ADGRV1: variants seen among roughly 807,000 people sequenced by gnomAD.
ADGRV1 encodes the protein G-protein coupled receptor 98.
In ADGRV1, 359 loss-of-function variants were observed where a neutral mutation model predicts 596.2. The ratio of observed to expected loss-of-function variants is 0.60; its 90% confidence interval spans 0.55 to 0.66. The LOEUF (loss-of-function observed/expected upper bound fraction) is 0.66. ADGRV1 is among the 30% of genes least tolerant of loss of function. The probability of loss-of-function intolerance (pLI) is 0.00; values close to 1 mark genes in which losing one functional copy is unlikely to be tolerated. For missense variants in ADGRV1, 7,274 were observed against 7,575.6 expected, an observed-to-expected ratio of 0.96 and a Z score of 1.48; for synonymous variants, 2,681 against 2,679.2, an observed-to-expected ratio of 1.00 and a Z score of -0.02.
At chr5:90,872,995 G>A (rs957957430) in intron 83 of ADGRV1, among the ~76,000 whole-genome samples, 3 of 152,190 alleles carry the variant, frequency 2.0e-5, no homozygotes, top group African/African-American at 4.8e-5. Flanking sequence ...TTGGTTTTTA[G>A]ATTTACATTG....
chr5:90,921,063 T>C (rs546369611), intron 83 of ADGRV1, among the ~76,000 whole-genome samples: 1 of 152,236 alleles, frequency 6.6e-6, no homozygotes, highest in East Asian at 1.9e-4. Context: ...AAGTTCCCTA[T>C]GTGTTCCTCC....
Position 91,041,341 on chromosome 5 carries a change from A to G in ADGRV1, c.18153-31106A>G, listed in dbSNP as rs913809961. Among the ~76,000 whole-genome samples the G allele has an allele frequency of 3.3e-5, 5 of 152,186 alleles. No individual in the cohort carries two copies. In the South Asian group the frequency reaches 6.2e-4, roughly 19 times the overall value. ...ATGAGTTCATGTCCTTTGCAGGGACATGGATGAAGCTGGAAACTATCATTC... is the reference window on the plus strand; with the variant it reads ...ATGAGTTCATGTCCTTTGCAGGGACGTGGATGAAGCTGGAAACTATCATTC... On this transcript the variant is annotated intron_variant, in intron 85 of 89. Transcript: ENST00000405460.
At chr5:90,986,128 G>T (rs995434933) in intron 85 of ADGRV1, among the ~76,000 whole-genome samples, 1 of 145,220 alleles carries the variant, frequency 6.9e-6, no homozygotes, top group African/African-American at 2.6e-5. Context: ...ATATATATAT[G>T]TGACTTAATC....
intron 87 of ADGRV1, among the ~76,000 whole-genome samples, chr5:91,137,604 G>A (rs1284813673): frequency 6.6e-6 from 1 of 152,202 alleles, no homozygotes; most frequent in African/African-American, 2.4e-5. Context: ...TTTTGTTGAG[G>A]AAAGATTAAA....
chr5:91,070,591 A>T lies in ADGRV1; in HGVS notation c.18153-1856A>T, dbSNP rs182682799. On this transcript the variant is annotated intron_variant, in intron 85 of 89. Transcript: ENST00000405460. ...GTTTTAGATATTGAGAACCTGTTTA[A>T]CGTTCCTCCATTTGAGATTTTCATG... is the stretch of plus-strand genomic sequence containing the variant. Among the ~76,000 whole-genome samples, 6 of 152,360 alleles carry T rather than the reference A, an allele frequency of 3.9e-5. No individual in the cohort carries two copies. In the East Asian group the frequency reaches 1.2e-3, roughly 29 times the overall value.
chr5:91,136,504 G>A lies in ADGRV1; in HGVS notation c.18433-13526G>A, dbSNP rs538745535. Among the ~76,000 whole-genome samples, 165 of 152,272 alleles carry A rather than the reference G, an allele frequency of 1.1e-3. 1 individual carries two copies. The highest frequency in any genetic ancestry group is 3.8e-3 in the African/African-American group (157 of 41,566). Reference sequence around the variant, plus strand: ...TTGTGGCAGGCCACCTCAACTGGTAGGAATGTGCTGTACAAAGAAATCAAT... The same window carrying A: ...TTGTGGCAGGCCACCTCAACTGGTAAGAATGTGCTGTACAAAGAAATCAAT... On this transcript the variant is annotated intron_variant, in intron 87 of 89. Coordinates refer to ENST00000405460, the MANE Select transcript of ADGRV1 (RefSeq NM_032119.4).
Position 90,788,088 on chromosome 5 carries a change from A to G in ADGRV1, c.13671A>G (p.Val4557=). The G allele has an allele frequency of 6.2e-7, 1 of 1,611,198 alleles. No individual in the cohort carries two copies. The highest frequency in any genetic ancestry group is 8.5e-7 in the Non-Finnish European group (1 of 1,178,336). The change falls in exon 68 of 90, where the codon GTA becomes GTG. Residue 4557 remains valine, a synonymous_variant. Transcript: ENST00000405460. ...TCCCGCAGGTGAACTGGGAGACAGT[A>G]GGACCCAACTCTCAAGAAGCCTTAC... is the stretch of plus-strand genomic sequence containing the variant. ...LGEIQVNWET[V]GPNSQEALLP...
At chr5:90,974,491 C>A (rs930537879) in intron 84 of ADGRV1, among the ~76,000 whole-genome samples, 5 of 152,074 alleles carry the variant, frequency 3.3e-5, no homozygotes, top group Admixed American at 3.3e-4. Context: ...GGTACTGGTA[C>A]CAAAACAGAG....
In ADGRV1 at chr5:90,810,623, G is replaced by T; in HGVS notation, c.15363G>T (p.Val5121=). The change falls in exon 74 of 90, where the codon GTG becomes GTT. Residue 5121 remains valine, a synonymous_variant. Transcript: ENST00000405460. ...PRLNLDFSVA[V]ITILDNDDLA... ...TGAATCTAGATTTCAGTGTTGCAGT[G>T]ATTACAATATTGGATAATGATGACC... 6.2e-7 allele frequency: 1 copy of T among 1,613,922 alleles called. No individual in the cohort carries two copies. The highest frequency in any genetic ancestry group is 1.6e-4 in the Middle Eastern group (1 of 6,062).
chr5:91,098,624 G>A (rs1791088646), intron 86 of ADGRV1, among the ~76,000 whole-genome samples: 1 of 152,152 alleles, frequency 6.6e-6, no homozygotes, highest in Admixed American at 6.5e-5. Flanking sequence ...TTTATGACTA[G>A]CTTTTTCCTT....
intron 84 of ADGRV1, among the ~76,000 whole-genome samples, chr5:90,970,131 C>A (rs1167055898): frequency 6.6e-6 from 1 of 152,224 alleles, no homozygotes; most frequent in Non-Finnish European, 1.5e-5. Flanking sequence ...TCATTGCTAG[C>A]ACAGCAGTCT....
intron 83 of ADGRV1, among the ~76,000 whole-genome samples, chr5:90,895,996 G>C (rs1025803837): frequency 6.6e-6 from 1 of 151,568 alleles, no homozygotes; most frequent in South Asian, 2.1e-4. Flanking sequence ...GCCAATGGGG[G>C]TGCAGATAAG....
intron 52 of ADGRV1, 143 bp downstream of exon 52, chr5:90,745,938 T>C (rs550639507): frequency 1.7e-6 from 1 of 594,280 alleles, no homozygotes; most frequent in East Asian, 2.8e-5. Flanking sequence ...CTCCCTTTTA[T>C]GTGCATTCTA....
intron 1 of ADGRV1, among the ~76,000 whole-genome samples, chr5:90,592,895 G>T (rs1041960320): frequency 1.3e-5 from 2 of 152,150 alleles, no homozygotes; most frequent in African/African-American, 4.8e-5. Context: ...AAACCAGAAT[G>T]AGATACCATC....
At chr5:91,118,222 G>T (rs1793017833) in intron 87 of ADGRV1, among the ~76,000 whole-genome samples, 1 of 152,054 alleles carries the variant, frequency 6.6e-6, no homozygotes, top group Non-Finnish European at 1.5e-5. Flanking sequence ...GGAGAGCATA[G>T]TTATCCTTGT....
chr5:90,575,549 G>A (rs1379018364), intron 1 of ADGRV1, among the ~76,000 whole-genome samples: 1 of 152,160 alleles, frequency 6.6e-6, no homozygotes, highest in African/African-American at 2.4e-5. Flanking sequence ...TCAAACAGAG[G>A]CAGCTGGCCG....
chr5:90,742,592 A>G lies in ADGRV1; in HGVS notation c.10550-2454A>G, dbSNP rs147694122. On this transcript the variant is annotated intron_variant, in intron 50 of 89. Coordinates refer to ENST00000405460, the MANE Select transcript of ADGRV1 (RefSeq NM_032119.4). ...GTGATGGGGAGGTGGAGATAGAGAG[A>G]TGGGCAGAGAGAAAGAGAGAGCATG... is the stretch of plus-strand genomic sequence containing the variant. Among the ~76,000 whole-genome samples the G allele has an allele frequency of 1.4e-3, 216 of 152,188 alleles. 2 individuals carry two copies. The highest frequency in any genetic ancestry group is 4.6e-3 in the African/African-American group (192 of 41,546).
At chr5:90,711,405 C>A in intron 41 of ADGRV1, 83 bp downstream of exon 41, 3 of 988,808 alleles carry the variant, frequency 3.0e-6, no homozygotes, top group African/African-American at 1.7e-5. Flanking sequence ...GATTTAGGTC[C>A]CATATAAATA....
At chr5:90,954,511 G>A (rs908640713) in intron 83 of ADGRV1, among the ~76,000 whole-genome samples, 1 of 152,052 alleles carries the variant, frequency 6.6e-6, no homozygotes, top group Non-Finnish European at 1.5e-5. Context: ...GTCACTTTAT[G>A]AAAAATATAA....
Sources: gnomAD v4.1 joint callset for allele counts (sites outside exome capture counted in the v4.1 genomes callset) on GRCh38, gnomAD v4.1.1 for gene constraint, MANE v1.5 for transcripts, NCBI Gene and HGNC (gene_info 2026-07-23, HGNC 2026-07-21) for gene names.